TF: variants seen among roughly 807,000 people sequenced by gnomAD.
The protein encoded by TF is transferrin, also known as serotransferrin.
A neutral mutation model predicts 82.4 loss-of-function variants in TF; 55 were observed. The observed-to-expected ratio is 0.67, with a 90% CI of 0.54 to 0.84. TF has a LOEUF of 0.84. TF is among the 40% of genes least tolerant of loss of function. The probability of loss-of-function intolerance (pLI) is 0.00; values close to 1 mark genes in which losing one functional copy is unlikely to be tolerated. For synonymous variants in TF, 332 were observed against 332.6 expected, an observed-to-expected ratio of 1.00 and a Z score of 0.02; for missense variants, 737 against 868.4, an observed-to-expected ratio of 0.85 and a Z score of 1.90.
the TF span, among the ~76,000 whole-genome samples, chr3:133,667,156 G>A: frequency 6.6e-6 from 1 of 152,046 alleles, no homozygotes; most frequent in Admixed American, 6.5e-5. Context: ...CAGCTTGGGC[G>A]ACACAGCCAG....
In TF at chr3:133,775,420, T is replaced by C; in HGVS notation, c.1688-13T>C. On this transcript the variant is annotated splice_polypyrimidine_tract_variant and intron_variant, in intron 14 of 16. Transcript: ENST00000402696. ...CAAAGCCATCAGCTGAACCACCTTC[T>C]TCCTGTCCCTAGGAAAAAACCCTGA... The C allele has an allele frequency of 6.2e-7, 1 of 1,614,196 alleles. No individual in the cohort carries two copies. The highest frequency in any genetic ancestry group is 8.5e-7 in the Non-Finnish European group (1 of 1,180,024).
At chr3:133,768,215 G>T in intron 13 of TF, 51 bp downstream of exon 13, 2 of 1,610,084 alleles carry the variant, frequency 1.2e-6, no homozygotes, top group South Asian at 1.1e-5. Context: ...GCCCTGGCCA[G>T]ATTTCTTTTA....
At chr3:133,746,627 C>A in intron 1 of TF, 144 bp downstream of exon 1, 2 of 895,648 alleles carry the variant, frequency 2.2e-6, no homozygotes, top group Non-Finnish European at 3.5e-6. Flanking sequence ...CCTCTCTACG[C>A]CCCACCCCTG....
rs1174579211 is a variant in TF, at chr3:133,754,559, G to A, written c.390G>A (p.Gln130=). 8.7e-6 allele frequency: 14 copies of A among 1,614,110 alleles called. No homozygotes were observed. The highest frequency in any genetic ancestry group is 1.2e-5 in the Non-Finnish European group (14 of 1,180,056). ...VKKDSGFQMN[Q]LRGKKSCHTG... ...AGGATAGTGGCTTCCAGATGAACCA[G>A]CTTCGAGGCAAGAAGTCCTGCCACA... The change falls in exon 4 of 17, where the codon CAG becomes CAA. Residue 130 remains glutamine, a synonymous_variant. Coordinates refer to ENST00000402696, the MANE Select transcript of TF (RefSeq NM_001063.4).
chr3:133,673,454 A>C, the TF span, among the ~76,000 whole-genome samples: 31 of 152,356 alleles, frequency 2.0e-4, 1 homozygote, highest in African/African-American at 5.5e-4. Context: ...TTAAGAGCCC[A>C]CTGAAGACTA....
intron 10 of TF, 87 bp downstream of exon 10, chr3:133,764,362 A>C (rs1576363139): frequency 8.8e-7 from 1 of 1,132,134 alleles, no homozygotes; most frequent in Admixed American, 1.7e-5. Flanking sequence ...GATTCATACC[A>C]CAGCTGCCAT....
the TF span, chr3:133,691,804 G>A: frequency 0.6 from 90,830 of 152,344 alleles, 27,829 homozygotes; most frequent in African/African-American, 0.74. Context: ...TAAGCCCATC[G>A]TGGTAGAAAT....
At chr3:133,668,526 A>G in the TF span, among the ~76,000 whole-genome samples, 1 of 152,046 alleles carries the variant, frequency 6.6e-6, no homozygotes, top group Non-Finnish European at 1.5e-5. Flanking sequence ...TCTGAAAGGG[A>G]GTTTTATTGT....
upstream of TF, among the ~76,000 whole-genome samples, chr3:133,741,173 G>A (rs149877213): frequency 0.011 from 1,619 of 151,666 alleles, 14 homozygotes; most frequent in Non-Finnish European, 0.016. Flanking sequence ...TGTATTTTTA[G>A]TAGAGAAGGG....
the TF span, among the ~76,000 whole-genome samples, chr3:133,724,153 T>A: frequency 6.6e-6 from 1 of 152,220 alleles, no homozygotes; most frequent in Non-Finnish European, 1.5e-5. Context: ...TGATTTATAG[T>A]CCTTTGGGTA....
At chr3:133,698,707 T>C in the TF span, among the ~76,000 whole-genome samples, 3 of 152,194 alleles carry the variant, frequency 2.0e-5, no homozygotes, top group Non-Finnish European at 4.4e-5. Context: ...CTTAACTAAT[T>C]ACATTTTCAA....
chr3:133,761,178 G>A (rs528535465), intron 9 of TF: 13 of 211,884 alleles, frequency 6.1e-5, no homozygotes, highest in African/African-American at 1.2e-4. Context: ...TCATCATCTC[G>A]CATAGAAACA....
the TF span, among the ~76,000 whole-genome samples, chr3:133,728,661 G>T: frequency 1.3e-5 from 2 of 152,208 alleles, no homozygotes; most frequent in African/African-American, 4.8e-5. Flanking sequence ...ACTTGTCAAA[G>T]TCCTTTTCCA....
At chr3:133,685,397 A>G in the TF span, among the ~76,000 whole-genome samples, 8 of 152,356 alleles carry the variant, frequency 5.3e-5, no homozygotes, top group African/African-American at 1.9e-4. Flanking sequence ...GATTAGGAAA[A>G]GAGGAAGTCA....
At chr3:133,741,138 T>G (rs1266793212), upstream of TF, among the ~76,000 whole-genome samples, 4 of 151,748 alleles carry the variant, frequency 2.6e-5, no homozygotes, top group African/African-American at 9.7e-5. Flanking sequence ...ACTACAGGTG[T>G]GCACCACCAC....
the TF span, among the ~76,000 whole-genome samples, chr3:133,691,055 A>G: frequency 4.6e-5 from 7 of 152,198 alleles, no homozygotes; most frequent in Non-Finnish European, 7.3e-5. Context: ...TATAAGAAAA[A>G]GTGGGATGGA....
intron 5 of TF, chr3:133,755,725 C>G: frequency 1.7e-6 from 1 of 595,908 alleles, no homozygotes; most frequent in Non-Finnish European, 3.0e-6. Flanking sequence ...CCCTTCCTTT[C>G]TCCCCAGAGC....
At chr3:133,724,429 T>A in the TF span, among the ~76,000 whole-genome samples, 1 of 152,276 alleles carries the variant, frequency 6.6e-6, no homozygotes, top group Non-Finnish European at 1.5e-5. Context: ...TTTTTTCATG[T>A]GCCTTTTGGC....
At chr3:133,763,005 A>G (rs759913517) in intron 9 of TF, among the ~76,000 whole-genome samples, 5 of 152,232 alleles carry the variant, frequency 3.3e-5, no homozygotes, top group Non-Finnish European at 5.9e-5. Flanking sequence ...GTAAAATAGT[A>G]GGAGAGCAAA....
Sources: gnomAD v4.1 joint callset for allele counts (sites outside exome capture counted in the v4.1 genomes callset) on GRCh38, gnomAD v4.1.1 for gene constraint, MANE v1.5 for transcripts, NCBI Gene and HGNC (gene_info 2026-07-23, HGNC 2026-07-21) for gene names.